Variants in UBAP2 observed in about 807,000 individuals in gnomAD.
UBAP2 encodes the protein ubiquitin-associated protein 2.
UBAP2 carries 75 observed loss-of-function variants against 139.6 expected under a neutral mutation model. That is an observed-to-expected ratio of 0.54 (90% CI 0.45 to 0.65). The LOEUF (loss-of-function observed/expected upper bound fraction) is 0.65, where lower values mean the gene tolerates loss of function less well. UBAP2 is among the 30% of genes least tolerant of loss of function. The probability of loss-of-function intolerance (pLI) is 0.00; values close to 1 mark genes in which losing one functional copy is unlikely to be tolerated. For missense variants in UBAP2, 1,368 were observed against 1,369.6 expected (o/e 1.00, Z 0.02); for synonymous variants, 526 against 526.2 (o/e 1.00, Z 0.01).
intron 1 of UBAP2, among the ~76,000 whole-genome samples, chr9:34,017,601 C>T (rs1209749686): frequency 1.3e-5 from 2 of 152,094 alleles, no homozygotes; most frequent in African/African-American, 4.8e-5. Context: ...TGCCTAAAAG[C>T]AAAAGTCAGC....
Position 33,971,699 on chromosome 9 carries a change from T to G in UBAP2, c.631A>C (p.Lys211Gln). 6.2e-7 allele frequency: 1 copy of G among 1,613,302 alleles called. No individual in the cohort carries two copies. Residue 211 changes from lysine to glutamine, a missense_variant, in exon 8 of 29, where the codon AAG (lysine) becomes CAG (glutamine). Physicochemically the swap from Lys to Gln is moderately conservative, Grantham distance 53 (BLOSUM62 1). Coordinates refer to ENST00000379238, the MANE Select transcript of UBAP2 (RefSeq NM_001370062.2). ...DSTSTDVCGT[K>Q]LVVWEAAQNG... ...TGAGCAGCTTCCCAAACTACTAGCT[T>G]TGTCCCACACACATCTGTAGATGTA...
chr9:33,936,386 C>T (rs1415598718), intron 16 of UBAP2, among the ~76,000 whole-genome samples: 4 of 152,104 alleles, frequency 2.6e-5, no homozygotes, highest in Non-Finnish European at 5.9e-5. Flanking sequence ...CTCCATCTCC[C>T]AGGTTCAAGT....
intron 11 of UBAP2, among the ~76,000 whole-genome samples, chr9:33,955,447 A>G (rs1416055154): frequency 5.6e-5 from 7 of 124,820 alleles, no homozygotes. Context: ...TGAACTCAGG[A>G]CGGCGGGGGT....
chr9:34,038,598 A>C (rs1253271217), intron 1 of UBAP2, among the ~76,000 whole-genome samples: 2 of 152,202 alleles, frequency 1.3e-5, no homozygotes, highest in East Asian at 3.8e-4. Context: ...AATGTTGCCC[A>C]GGCTGGAGTG....
chr9:34,029,922 G>T (rs527535474), intron 1 of UBAP2, among the ~76,000 whole-genome samples: 2 of 151,836 alleles, frequency 1.3e-5, no homozygotes, highest in Non-Finnish European at 2.9e-5. Flanking sequence ...GAGAGGCAGA[G>T]GTTGCAGTGA....
intron 9 of UBAP2, among the ~76,000 whole-genome samples, chr9:33,961,990 T>C (rs1827080469): frequency 6.6e-6 from 1 of 152,146 alleles, no homozygotes; most frequent in Admixed American, 6.6e-5. Context: ...GGATGTAAAA[T>C]ACAGATGTTT....
chr9:34,039,847 T>TAAAAAAAAAAAAA (rs74180526), intron 1 of UBAP2, among the ~76,000 whole-genome samples: 47 of 84,348 alleles, frequency 5.6e-4, no homozygotes, highest in East Asian at 1.2e-3. Flanking sequence ...CAATAAATAC[T>TAAAAAAAAAAAAA]AAAAAAAAAA....
At chr9:33,922,916 G>A (rs1171384188) in intron 27 of UBAP2, 38 bp from the exon 28 acceptor site, 2 of 1,613,776 alleles carry the variant, frequency 1.2e-6, no homozygotes, top group South Asian at 2.2e-5. Context: ...GGTCAGGTTG[G>A]GCTGTAACCT....
chr9:33,990,705 G>A (rs557111647), intron 4 of UBAP2, among the ~76,000 whole-genome samples: 1 of 139,740 alleles, frequency 7.2e-6, no homozygotes, highest in East Asian at 2.1e-4. Flanking sequence ...GCACAGTCTC[G>A]GCTCACTGCA....
At chr9:33,989,457 TC>T (rs1362956251) in intron 4 of UBAP2, among the ~76,000 whole-genome samples, 3 of 152,194 alleles carry the variant, frequency 2.0e-5, no homozygotes, top group Non-Finnish European at 4.4e-5. Flanking sequence ...CGCCTTGGCC[TC>T]CCAAAGTGCT....
At chr9:33,951,004 T>C (rs1826049114) in intron 12 of UBAP2, among the ~76,000 whole-genome samples, 1 of 152,232 alleles carries the variant, frequency 6.6e-6, no homozygotes, top group African/African-American at 2.4e-5. Context: ...TCATCACTTC[T>C]GTTGCTGCTG....
At chr9:34,042,477 CA>C (rs10713651) in intron 1 of UBAP2, among the ~76,000 whole-genome samples, 59,853 of 106,060 alleles carry the variant, frequency 0.56, 15,046 homozygotes, top group East Asian at 0.78. Flanking sequence ...GACTCCGTCT[CA>C]AAAAAAAAAA....
chr9:33,924,175 G>GGGCT (rs1564013603), intron 23 of UBAP2, 31 bp downstream of exon 23: 1 of 1,611,934 alleles, frequency 6.2e-7, no homozygotes, highest in African/African-American at 1.3e-5. Context: ...GGCCGGCCCC[G>GGGCT]GGCTACTCCT....
chr9:33,990,094 A>T (rs182073648), intron 4 of UBAP2, among the ~76,000 whole-genome samples: 44 of 152,262 alleles, frequency 2.9e-4, no homozygotes, highest in African/African-American at 9.9e-4. Context: ...AAAGAAAAAG[A>T]TACTACATTC....
chr9:34,026,277 A>G (rs768190911), intron 1 of UBAP2, among the ~76,000 whole-genome samples: 13 of 152,224 alleles, frequency 8.5e-5, no homozygotes, highest in Non-Finnish European at 1.9e-4. Flanking sequence ...CATTGATTGG[A>G]AGATAGTTCT....
chr9:33,995,130 G>C (rs1822041223), intron 4 of UBAP2: 1 of 152,056 alleles, frequency 6.6e-6, no homozygotes, highest in Non-Finnish European at 1.5e-5. Flanking sequence ...GCCAAGACGG[G>C]TGGATCACCT....
At chr9:33,926,862 C>T (rs773194932) in intron 21 of UBAP2, 127 bp downstream of exon 21, 9 of 1,028,768 alleles carry the variant, frequency 8.7e-6, no homozygotes, top group African/African-American at 1.6e-5. Context: ...GGGGCAGAGA[C>T]GGGGGTGCTC....
chr9:33,964,255 G>A (rs1317202366), intron 8 of UBAP2, among the ~76,000 whole-genome samples: 2 of 152,074 alleles, frequency 1.3e-5, no homozygotes, highest in African/African-American at 4.8e-5. Context: ...TTATCAACAA[G>A]CCAATACCAT....
At chr9:33,939,557 A>C (rs10971807) in intron 16 of UBAP2, among the ~76,000 whole-genome samples, 11,679 of 149,480 alleles carry the variant, frequency 0.078, 641 homozygotes, top group Non-Finnish European at 0.12. Flanking sequence ...AGATTCCTTG[A>C]GACTAGCCTG....
Sources: gnomAD v4.1 joint callset for allele counts (sites outside exome capture counted in the v4.1 genomes callset) on GRCh38, gnomAD v4.1.1 for gene constraint, MANE v1.5 for transcripts, NCBI Gene and HGNC (gene_info 2026-07-23, HGNC 2026-07-21) for gene names.